Variants in L3MBTL4 observed in about 807,000 individuals in gnomAD.
The protein encoded by L3MBTL4 is lethal(3)malignant brain tumor-like protein 4.
In L3MBTL4, 70 loss-of-function variants were observed where a neutral mutation model predicts 84.5. The observed-to-expected ratio is 0.83, with a 90% CI of 0.68 to 1.01. The LOEUF (loss-of-function observed/expected upper bound fraction) is 1.01. L3MBTL4 is among the 50% of genes least tolerant of loss of function. The probability of loss-of-function intolerance (pLI) is 0.00; values close to 1 mark genes in which losing one functional copy is unlikely to be tolerated. For missense variants in L3MBTL4, 715 were observed against 754.8 expected (o/e 0.95, Z 0.62); for synonymous variants, 274 against 259.8 (o/e 1.05, Z -0.52).
At chr18:6,064,914 C>T (rs1230339652) in intron 16 of L3MBTL4, among the ~76,000 whole-genome samples, 1 of 151,978 alleles carries the variant, frequency 6.6e-6, no homozygotes, top group Non-Finnish European at 1.5e-5. Context: ...AAGTGGGCAT[C>T]CTTGTCTTGT....
At chr18:6,263,804 G>T in intron 5 of L3MBTL4, 143 bp downstream of exon 5, 1 of 715,328 alleles carries the variant, frequency 1.4e-6, no homozygotes, top group South Asian at 1.5e-5. Flanking sequence ...CTAAAGCTCT[G>T]ATTAGGTTTG....
At chr18:6,270,402 G>A (rs1390417519) in intron 4 of L3MBTL4, among the ~76,000 whole-genome samples, 2 of 152,148 alleles carry the variant, frequency 1.3e-5, no homozygotes, top group Non-Finnish European at 2.9e-5. Context: ...CCCTCACACC[G>A]CATTTACTCG....
At position 6,171,890 on chromosome 18, in the gene L3MBTL4, C is replaced by A. The variant is rs867220556; in HGVS notation, c.1034G>T (p.Ser345Ile). ...HKYDYWVEAD[S>I]PDIHPIGWCD... ...CCATCCGATCGGGTGGATATCAGGG[C>A]TGTCTGCCTCCACCCAGTAGTCATA... Residue 345 changes from serine (S) to isoleucine (I), a missense_variant, in exon 13 of 19, where the codon AGC (serine) becomes ATC (isoleucine). Ser to Ile is a moderately radical substitution (Grantham distance 142, BLOSUM62 -2). Coordinates refer to ENST00000317931, the MANE Select transcript of L3MBTL4 (RefSeq NM_001330559.2). 6.4e-7 allele frequency: 1 copy of A among 1,557,558 alleles called. No homozygotes were observed.
intron 16 of L3MBTL4, among the ~76,000 whole-genome samples, chr18:5,995,287 T>C (rs373551896): frequency 2.0e-5 from 3 of 152,256 alleles, no homozygotes; most frequent in African/African-American, 7.2e-5. Context: ...ATTCTCGCCA[T>C]TGTGTGTCCC....
intron 13 of L3MBTL4, among the ~76,000 whole-genome samples, chr18:6,145,777 C>T (rs1193947548): frequency 6.6e-6 from 1 of 152,160 alleles, no homozygotes; most frequent in Non-Finnish European, 1.5e-5. Context: ...TAAAGGGATA[C>T]TGCAGGTTTA....
chr18:6,058,388 T>C (rs1252097702), intron 16 of L3MBTL4, among the ~76,000 whole-genome samples: 1 of 152,200 alleles, frequency 6.6e-6, no homozygotes, highest in Admixed American at 6.5e-5. Flanking sequence ...TCTGTGTCTT[T>C]ATGGAGTATA....
chr18:6,277,167 T>G (rs2049119744), intron 4 of L3MBTL4, among the ~76,000 whole-genome samples: 1 of 147,634 alleles, frequency 6.8e-6, no homozygotes, highest in African/African-American at 2.5e-5. Flanking sequence ...GGGATAGTAT[T>G]GGGAGATATA....
intron 10 of L3MBTL4, among the ~76,000 whole-genome samples, chr18:6,231,422 G>A (rs995632108): frequency 1.3e-5 from 2 of 152,102 alleles, no homozygotes; most frequent in Non-Finnish European, 2.9e-5. Flanking sequence ...TCTCTATTCT[G>A]TTACATTGGT....
At chr18:6,131,001 T>C (rs533992408) in intron 14 of L3MBTL4, among the ~76,000 whole-genome samples, 1 of 152,188 alleles carries the variant, frequency 6.6e-6, no homozygotes, top group African/African-American at 2.4e-5. Flanking sequence ...GACATCCATC[T>C]AAAAAGGACA....
At chr18:6,279,779 A>C (rs759863662) in intron 4 of L3MBTL4, among the ~76,000 whole-genome samples, 2 of 152,228 alleles carry the variant, frequency 1.3e-5, no homozygotes, top group Admixed American at 6.5e-5. Flanking sequence ...AACCACCTAT[A>C]TGAGATGGCA....
chr18:6,046,162 G>A (rs960954122), intron 16 of L3MBTL4, among the ~76,000 whole-genome samples: 5 of 152,050 alleles, frequency 3.3e-5, no homozygotes, highest in Admixed American at 2.6e-4. Flanking sequence ...GGCAAAGTAG[G>A]GTATTACATA....
At chr18:6,109,036 C>T (rs1470034050) in intron 14 of L3MBTL4, among the ~76,000 whole-genome samples, 4 of 152,100 alleles carry the variant, frequency 2.6e-5, no homozygotes, top group African/African-American at 4.8e-5. Flanking sequence ...TGAATTGAGA[C>T]TTTCAAGGGA....
intron 10 of L3MBTL4, among the ~76,000 whole-genome samples, chr18:6,234,335 G>C (rs1400866644): frequency 1.3e-5 from 2 of 152,160 alleles, no homozygotes; most frequent in African/African-American, 4.8e-5. Flanking sequence ...TTAAACTAAA[G>C]AGCTTCTGCA....
At chr18:6,210,200 A>G (rs1909248049) in intron 12 of L3MBTL4, among the ~76,000 whole-genome samples, 1 of 152,206 alleles carries the variant, frequency 6.6e-6, no homozygotes, top group Non-Finnish European at 1.5e-5. Context: ...ATATTTGGGG[A>G]GTGGCAGAAG....
intron 1 of L3MBTL4, among the ~76,000 whole-genome samples, chr18:6,383,725 T>C (rs2054697025): frequency 6.6e-6 from 1 of 152,196 alleles, no homozygotes; most frequent in African/African-American, 2.4e-5. Context: ...TCAATCTCAC[T>C]GGGAGCTGCA....
At chr18:6,109,164 T>G (rs1055716033) in intron 14 of L3MBTL4, among the ~76,000 whole-genome samples, 1 of 152,220 alleles carries the variant, frequency 6.6e-6, no homozygotes, top group East Asian at 1.9e-4. Context: ...ATGCAGTCTC[T>G]TTCTCAATAG....
intron 1 of L3MBTL4, among the ~76,000 whole-genome samples, chr18:6,346,879 T>C (rs2052932894): frequency 6.6e-6 from 1 of 152,140 alleles, no homozygotes. Context: ...TGTACTCCCA[T>C]ATTCACTGCA....
At chr18:6,109,399 C>T (rs1299869760) in intron 14 of L3MBTL4, among the ~76,000 whole-genome samples, 2 of 152,058 alleles carry the variant, frequency 1.3e-5, no homozygotes, top group African/African-American at 2.4e-5. Context: ...TTGCATTTCT[C>T]GTTTCTAGGA....
chr18:6,249,883 G>C (rs1242851617), intron 5 of L3MBTL4, among the ~76,000 whole-genome samples: 2 of 152,184 alleles, frequency 1.3e-5, no homozygotes, highest in African/African-American at 2.4e-5. Flanking sequence ...CTCGAGCCCA[G>C]AAGGGTGAAT....
Sources: allele counts gnomAD v4.1 joint callset (sites outside exome capture counted in the v4.1 genomes callset), GRCh38; gene constraint gnomAD v4.1.1; transcripts MANE v1.5; gene names NCBI Gene and HGNC (gene_info 2026-07-23, HGNC 2026-07-21).